Variants in PIP5K1C observed in about 807,000 individuals in gnomAD.
PIP5K1C encodes the protein phosphatidylinositol-4-phosphate 5-kinase type 1 gamma.
Under a neutral mutation model 80.1 loss-of-function variants are expected in PIP5K1C, and 45 were observed. That is an observed-to-expected ratio of 0.56 (90% CI 0.44 to 0.72). The LOEUF is 0.72. PIP5K1C is among the 30% of genes least tolerant of loss of function. PIP5K1C has a pLI of 0.00. For synonymous variants in PIP5K1C, 498 were observed against 420.1 expected (o/e 1.19, Z -2.27); for missense variants, 753 against 954.6 (o/e 0.79, Z 2.78).
chr19:3,689,377 G>A (rs1306109866), intron 1 of PIP5K1C, among the ~76,000 whole-genome samples: 3 of 152,136 alleles, frequency 2.0e-5, no homozygotes, highest in Non-Finnish European at 4.4e-5. Context: ...CAGGCCTGGC[G>A]CAGTGGCTCA....
At chr19:3,699,281 A>G (rs2036220852) in intron 1 of PIP5K1C, among the ~76,000 whole-genome samples, 1 of 134,010 alleles carries the variant, frequency 7.5e-6, no homozygotes, top group Admixed American at 8.9e-5. Flanking sequence ...TCACCTACCA[A>G]GCGGTTCCAG....
chr19:3,681,409 T>C (rs1343847823), intron 1 of PIP5K1C, among the ~76,000 whole-genome samples: 1 of 152,046 alleles, frequency 6.6e-6, no homozygotes, highest in East Asian at 1.9e-4. Context: ...TTTTTGTATT[T>C]CTAGTAGCGA....
chr19:3,644,588 G>C (rs545249213), intron 11 of PIP5K1C, among the ~76,000 whole-genome samples: 1 of 152,170 alleles, frequency 6.6e-6, no homozygotes, highest in Admixed American at 6.5e-5. Flanking sequence ...TTCTATGTGC[G>C]GCCCAGCCCG....
chr19:3,697,842 C>A (rs995937382), intron 1 of PIP5K1C, among the ~76,000 whole-genome samples: 1 of 152,274 alleles, frequency 6.6e-6, no homozygotes, highest in East Asian at 1.9e-4. Flanking sequence ...GGCACAGCCG[C>A]ATCCCAAGCC....
intron 7 of PIP5K1C, among the ~76,000 whole-genome samples, chr19:3,652,461 G>T (rs745849905): frequency 6.6e-6 from 1 of 152,220 alleles, no homozygotes; most frequent in Non-Finnish European, 1.5e-5. Context: ...TTTTCTGGGG[G>T]TATGGGTCAA....
intron 6 of PIP5K1C, among the ~76,000 whole-genome samples, chr19:3,655,023 G>A (rs1011169192): frequency 6.4e-5 from 9 of 139,752 alleles, no homozygotes; most frequent in Admixed American, 7.9e-5. Flanking sequence ...CAGCAGAATC[G>A]CTTGAACCCA....
chr19:3,641,224 A>T (rs1200679404), intron 15 of PIP5K1C, among the ~76,000 whole-genome samples: 2 of 152,104 alleles, frequency 1.3e-5, no homozygotes, highest in Non-Finnish European at 2.9e-5. Flanking sequence ...CACAAAAAAA[A>T]TTTAAAAAAT....
rs1483528903 is a variant in PIP5K1C at position 3,648,211 on chromosome 19, T to TG, written c.1211+413dup. Among the ~76,000 whole-genome samples, 1 of 151,848 alleles carries TG rather than the reference T, an allele frequency of 6.6e-6. No individual in the cohort carries two copies. The highest frequency in any genetic ancestry group is 1.5e-5 in the Non-Finnish European group (1 of 67,956). ...CTAATTTTTTGATATTTTGTAGAGA[T>TG]GGGGTCTTGCTATGTTGCCCAGGCT... On this transcript the variant is annotated intron_variant, in intron 9 of 17. Coordinates refer to ENST00000335312, the MANE Select transcript of PIP5K1C (RefSeq NM_012398.3). The surrounding 1 kb of genome is among the most constrained non-coding windows in gnomAD (Gnocchi z 4.3).
intron 5 of PIP5K1C, 80 bp from the exon 6 acceptor site, chr19:3,656,637 C>A: frequency 6.6e-7 from 1 of 1,505,180 alleles, no homozygotes; most frequent in South Asian, 1.1e-5. Context: ...TGCCCAACAG[C>A]CCCAGGAACT....
At chr19:3,654,677 G>A (rs943369169) in intron 6 of PIP5K1C, among the ~76,000 whole-genome samples, 9 of 152,058 alleles carry the variant, frequency 5.9e-5, no homozygotes, top group African/African-American at 2.2e-4. Flanking sequence ...AGCTGGGAGT[G>A]GTGGCGCATG....
intron 1 of PIP5K1C, among the ~76,000 whole-genome samples, chr19:3,699,040 G>C (rs570735970): frequency 6.6e-6 from 1 of 151,568 alleles, no homozygotes; most frequent in African/African-American, 2.4e-5. Context: ...CTGATAAGAT[G>C]AATGGTCGCG....
In PIP5K1C at chr19:3,667,418, C is replaced by G. The variant is rs528184618; in HGVS notation, c.95-65G>C. ...TGACCTCTGGGAGTCCTGGGCCCAGCCCCCGGCCCACCTTCTGGCGCCCCA... is the reference window on the plus strand; with the variant it reads ...TGACCTCTGGGAGTCCTGGGCCCAGGCCCCGGCCCACCTTCTGGCGCCCCA... On this transcript the variant is annotated intron_variant, in intron 1 of 17. Coordinates refer to ENST00000335312, the MANE Select transcript of PIP5K1C (RefSeq NM_012398.3). 3.8e-6 allele frequency: 6 copies of G among 1,589,920 alleles called. No homozygotes were observed. In the African/African-American group the frequency reaches 6.7e-5, roughly 18 times the overall value.
Position 3,637,036 on chromosome 19 carries a change from G to C in PIP5K1C, c.1920+1848C>G. ...GAGGCCTCAGCGCCTCCATCTGTGA[G>C]GTGGGTGTGGAGAGACCATCTCCTC... On this transcript the variant is annotated intron_variant, in intron 16 of 17. Coordinates refer to ENST00000335312, the MANE Select transcript of PIP5K1C (RefSeq NM_012398.3). This position sits in a 1 kb window ranked among gnomAD's most constrained non-coding sequence, Gnocchi z 7.0. 9.3e-7 allele frequency: 1 copy of C among 1,075,526 alleles called. No individual in the cohort carries two copies. Among genetic ancestry groups the C allele is most frequent in the South Asian group, 3.1e-5 (1 of 32,348 alleles). The allele number at this position is 1,075,526 out of a possible 1,614,324, so 66.6% of individuals were successfully genotyped here. A position where few individuals can be genotyped will look rare whatever the true frequency, so the allele number is the denominator to read the frequency against.
intron 12 of PIP5K1C, among the ~76,000 whole-genome samples, chr19:3,643,704 C>T (rs1464816279): frequency 6.7e-6 from 1 of 148,814 alleles, no homozygotes; most frequent in Non-Finnish European, 1.5e-5. Context: ...CTCCGCGCTG[C>T]TTGGCCACAC....
intron 5 of PIP5K1C, among the ~76,000 whole-genome samples, chr19:3,659,235 T>A (rs936219831): frequency 2.0e-5 from 3 of 152,154 alleles, no homozygotes; most frequent in Admixed American, 2.0e-4. Context: ...ACGGCCACAC[T>A]CACACCACAG....
At chr19:3,662,128 CTGG>C in intron 3 of PIP5K1C, 127 bp from the exon 4 acceptor site, 2 of 1,184,700 alleles carry the variant, frequency 1.7e-6, no homozygotes, top group South Asian at 2.8e-5. Flanking sequence ...CAACCCCCTC[CTGG>C]TGGTCCCCGG....
chr19:3,637,235 C>T lies in PIP5K1C; in HGVS notation c.1920+1649G>A, dbSNP rs1447471232. 1.3e-5 allele frequency: 19 copies of T among 1,443,120 alleles called. No homozygotes were observed. The Admixed American group carries it at 1.6e-4, about 12-fold the overall frequency. 89.4% of individuals were successfully genotyped at this position (1,443,120 alleles called of 1,614,324 possible). A position where few individuals can be genotyped will look rare whatever the true frequency, so the allele number is the denominator to read the frequency against. ...CTGGGTCCAGGGGCAGAGAGGGGCT[C>T]GCTGGGGTCTGGCCGGGGTCCGAAG... On this transcript the variant is annotated intron_variant, in intron 16 of 17. Transcript: ENST00000335312. This position sits in a 1 kb window ranked among gnomAD's most constrained non-coding sequence, Gnocchi z 7.0.
At chr19:3,656,583 G>A (rs377538507) in intron 5 of PIP5K1C, 26 bp from the exon 6 acceptor site, 37 of 1,612,412 alleles carry the variant, frequency 2.3e-5, no homozygotes, top group African/African-American at 6.7e-5. Context: ...GCGGGTCAGC[G>A]GGCCCCAAGC....
chr19:3,690,871 G>A (rs1231587928), intron 1 of PIP5K1C, among the ~76,000 whole-genome samples: 1 of 152,200 alleles, frequency 6.6e-6, no homozygotes, highest in Non-Finnish European at 1.5e-5. Context: ...AAGGAACTGT[G>A]CAAGGAAAAT....
Sources: gnomAD v4.1 joint callset for allele counts (sites outside exome capture counted in the v4.1 genomes callset) on GRCh38, gnomAD v4.1.1 for gene constraint, Gnocchi (gnomAD v3.1) non-coding constraint, MANE v1.5 for transcripts, NCBI Gene and HGNC (gene_info 2026-07-23, HGNC 2026-07-21) for gene names.